CNOT2: variants seen among roughly 807,000 people sequenced by gnomAD.
The protein encoded by CNOT2 is CCR4-NOT transcription complex subunit 2.
CNOT2 carries 7 observed loss-of-function variants against 72.1 expected under a neutral mutation model. The ratio of observed to expected loss-of-function variants is 0.10; its 90% CI spans 0.06 to 0.18. The LOEUF (loss-of-function observed/expected upper bound fraction) is 0.18. Ranked by LOEUF, CNOT2 falls within the 10% of genes least tolerant of loss-of-function variation. The pLI is 1.00. For synonymous variants in CNOT2, 196 were observed against 225.6 expected (o/e 0.87, Z 1.17); for missense variants, 345 against 660.3 (o/e 0.52, Z 5.23).
intron 2 of CNOT2, among the ~76,000 whole-genome samples, chr12:70,291,377 C>T (rs1871873040): frequency 6.6e-6 from 1 of 152,116 alleles, no homozygotes; most frequent in African/African-American, 2.4e-5. Flanking sequence ...AAAATGCTAC[C>T]GGCACATGAA....
intron 1 of CNOT2, among the ~76,000 whole-genome samples, chr12:70,246,952 C>G (rs922625293): frequency 6.6e-6 from 1 of 152,062 alleles, no homozygotes. Context: ...AGTAATAAAA[C>G]AGTTTACAAT....
At chr12:70,307,619 A>G (rs910667404) in intron 2 of CNOT2, 1 of 152,026 alleles carries the variant, frequency 6.6e-6, no homozygotes. Flanking sequence ...CAGTAATTTC[A>G]ATGTATTTCG....
intron 1 of CNOT2, among the ~76,000 whole-genome samples, chr12:70,253,620 C>T (rs931555115): frequency 1.3e-5 from 2 of 152,092 alleles, no homozygotes; most frequent in African/African-American, 4.8e-5. Flanking sequence ...CTGGACAAAT[C>T]AATTAGTATT....
At chr12:70,316,525 A>G (rs907933435) in intron 3 of CNOT2, among the ~76,000 whole-genome samples, 1 of 152,126 alleles carries the variant, frequency 6.6e-6, no homozygotes, top group African/African-American at 2.4e-5. Flanking sequence ...CATTTTTGAC[A>G]CATTTTGAGG....
At chr12:70,264,909 T>G (rs1376436239) in intron 1 of CNOT2, among the ~76,000 whole-genome samples, 1 of 152,214 alleles carries the variant, frequency 6.6e-6, no homozygotes, top group East Asian at 1.9e-4. Context: ...TTTTGTTTTC[T>G]TTTCAAGCAG....
chr12:70,315,199 C>CT (rs1456720942), intron 3 of CNOT2, among the ~76,000 whole-genome samples: 8 of 151,850 alleles, frequency 5.3e-5, no homozygotes. Flanking sequence ...TCATAGTTTT[C>CT]TTTTTTTGTG....
chr12:70,318,267 C>A (rs530409693), intron 3 of CNOT2, among the ~76,000 whole-genome samples: 2 of 151,892 alleles, frequency 1.3e-5, no homozygotes, highest in Non-Finnish European at 2.9e-5. Flanking sequence ...TTCTTCTATG[C>A]CATAACATGG....
intron 3 of CNOT2, among the ~76,000 whole-genome samples, chr12:70,311,971 A>G (rs1876543702): frequency 6.6e-6 from 1 of 151,810 alleles, no homozygotes; most frequent in African/African-American, 2.4e-5. Context: ...AATCAGCTTA[A>G]CCTACTAGGT....
chr12:70,309,963 A>G (rs1459768949), intron 2 of CNOT2, among the ~76,000 whole-genome samples: 1 of 152,042 alleles, frequency 6.6e-6, no homozygotes, highest in Non-Finnish European at 1.5e-5. Flanking sequence ...GGGGAAAAAT[A>G]ATGGATGGTT....
intron 2 of CNOT2, among the ~76,000 whole-genome samples, chr12:70,287,930 C>G (rs1023981629): frequency 6.7e-6 from 1 of 149,498 alleles, no homozygotes; most frequent in Non-Finnish European, 1.5e-5. Flanking sequence ...TGCTAAGACC[C>G]TAAGGCACTA....
chr12:70,265,326 T>TTCTCTTCTCTTCTCTTCTC (rs1221150965), intron 1 of CNOT2, among the ~76,000 whole-genome samples: 1 of 149,124 alleles, frequency 6.7e-6, no homozygotes, highest in Admixed American at 6.7e-5. Context: ...TTCTCTTCTC[T>TTCTCTTCTCTTCTCTTCTC]TTCTTTCTTT....
chr12:70,323,497 A>G (rs1593233818), intron 4 of CNOT2: 1 of 151,902 alleles, frequency 6.6e-6, no homozygotes, highest in East Asian at 1.9e-4. Flanking sequence ...CTATTTGGAT[A>G]TTTCAAAGAC....
At chr12:70,353,742 TTTTA>T in intron 15 of CNOT2, 83 bp from the exon 16 acceptor site, 2 of 1,545,312 alleles carry the variant, frequency 1.3e-6, no homozygotes, top group Non-Finnish European at 1.7e-6. Flanking sequence ...ATATTGGGTA[TTTTA>T]TTTATTTTTA....
intron 1 of CNOT2, among the ~76,000 whole-genome samples, chr12:70,268,459 T>A (rs1038439735): frequency 1.3e-5 from 2 of 152,154 alleles, no homozygotes; most frequent in African/African-American, 2.4e-5. Context: ...TATTTGTTAT[T>A]TTCTGAGACA....
At chr12:70,316,131 A>G (rs972662676) in intron 3 of CNOT2, among the ~76,000 whole-genome samples, 1 of 152,160 alleles carries the variant, frequency 6.6e-6, no homozygotes, top group African/African-American at 2.4e-5. Context: ...TGGTTGTTCC[A>G]TAGGTAAGTG....
At chr12:70,289,631 C>T (rs940559363) in intron 2 of CNOT2, among the ~76,000 whole-genome samples, 4 of 151,868 alleles carry the variant, frequency 2.6e-5, no homozygotes, top group African/African-American at 9.7e-5. Flanking sequence ...TTTTTTCTTT[C>T]TTTTTTTCTC....
chr12:70,351,501 CTA>C (rs758275703), intron 15 of CNOT2, among the ~76,000 whole-genome samples: 3 of 152,160 alleles, frequency 2.0e-5, no homozygotes, highest in Admixed American at 6.5e-5. Flanking sequence ...TCTCTGATCT[CTA>C]TATCAAAATT....
chr12:70,336,413 A>G (rs1593265061), intron 8 of CNOT2: 1 of 152,130 alleles, frequency 6.6e-6, no homozygotes, highest in Non-Finnish European at 1.5e-5. Context: ...TACTATTTTT[A>G]TCACATAGTT....
At chr12:70,342,336 C>T in intron 13 of CNOT2, 29 bp downstream of exon 13, 2 of 1,608,494 alleles carry the variant, frequency 1.2e-6, no homozygotes, top group Non-Finnish European at 1.7e-6. Context: ...TCTACTCAGT[C>T]AGCATGAATT....
Sources: allele counts gnomAD v4.1 joint callset (sites outside exome capture counted in the v4.1 genomes callset), GRCh38; gene constraint gnomAD v4.1.1; transcripts MANE v1.5; gene names NCBI Gene and HGNC (gene_info 2026-07-23, HGNC 2026-07-21).